Variants in SLC25A48 observed in about 807,000 individuals in gnomAD.
SLC25A48 encodes solute carrier family 25 member 48.
Under a neutral mutation model 32.2 loss-of-function variants are expected in SLC25A48, and 29 were observed. The observed-to-expected ratio is 0.90, with a 90% CI of 0.67 to 1.23. The LOEUF (loss-of-function observed/expected upper bound fraction) is 1.23. SLC25A48 is among the 50% of genes most tolerant of loss of function. The pLI is 0.00. For synonymous variants in SLC25A48, 164 were observed against 172.3 expected, an observed-to-expected ratio of 0.95 and a Z score of 0.38; for missense variants, 399 against 422.7, an observed-to-expected ratio of 0.94 and a Z score of 0.49.
intron 1 of SLC25A48, among the ~76,000 whole-genome samples, chr5:135,597,643 A>G (rs1247420756): frequency 6.6e-6 from 1 of 152,250 alleles, no homozygotes; most frequent in Non-Finnish European, 1.5e-5. Context: ...TTGGTGGCAC[A>G]TAGTTCACAT....
chr5:135,805,855 G>A (rs1757452429), intron 3 of SLC25A48, among the ~76,000 whole-genome samples: 1 of 150,406 alleles, frequency 6.6e-6, no homozygotes, highest in Non-Finnish European at 1.5e-5. Flanking sequence ...TATCCCTGTG[G>A]GTGTATACCC....
chr5:135,833,992 C>T (rs1758310480), upstream of SLC25A48, among the ~76,000 whole-genome samples: 1 of 152,206 alleles, frequency 6.6e-6, no homozygotes, highest in African/African-American at 2.4e-5. Flanking sequence ...ACAGCTGAGT[C>T]CCTGCTGGAA....
intron 3 of SLC25A48, among the ~76,000 whole-genome samples, chr5:135,772,488 A>G (rs1275939832): frequency 6.6e-6 from 1 of 151,670 alleles, no homozygotes; most frequent in Non-Finnish European, 1.5e-5. Flanking sequence ...TCACGAAGAA[A>G]GAGAATAATA....
chr5:135,688,426 T>A (rs1474712292), intron 3 of SLC25A48, among the ~76,000 whole-genome samples: 1 of 152,178 alleles, frequency 6.6e-6, no homozygotes, highest in Non-Finnish European at 1.5e-5. Flanking sequence ...GGATCCAAAG[T>A]GCTCCTTGTG....
intron 2 of SLC25A48, among the ~76,000 whole-genome samples, chr5:135,848,438 G>A (rs1443807523): frequency 1.3e-5 from 2 of 152,218 alleles, no homozygotes; most frequent in African/African-American, 2.4e-5. Flanking sequence ...GTAGGCCTCT[G>A]TGGTTCTGCT....
chr5:135,700,803 G>T (rs1272321889), intron 3 of SLC25A48, among the ~76,000 whole-genome samples: 1 of 152,214 alleles, frequency 6.6e-6, no homozygotes, highest in Non-Finnish European at 1.5e-5. Context: ...TCTAGCAGGG[G>T]TGCACCTACC....
chr5:135,776,315 G>T (rs1181796198), intron 3 of SLC25A48, among the ~76,000 whole-genome samples: 1 of 150,752 alleles, frequency 6.6e-6, no homozygotes, highest in Admixed American at 6.6e-5. Flanking sequence ...ATCACACGGG[G>T]TATACACCTC....
intron 3 of SLC25A48, among the ~76,000 whole-genome samples, chr5:135,656,946 G>A (rs1274396689): frequency 6.6e-6 from 1 of 152,156 alleles, no homozygotes; most frequent in Non-Finnish European, 1.5e-5. Context: ...GCTGTCTGAA[G>A]CCACCCAGTT....
At chr5:135,695,907 C>G (rs944487300) in intron 3 of SLC25A48, among the ~76,000 whole-genome samples, 1 of 152,170 alleles carries the variant, frequency 6.6e-6, no homozygotes, top group South Asian at 2.1e-4. Flanking sequence ...AAAAGTCTCT[C>G]CAAAAGCAGG....
rs548758537 is a variant in SLC25A48 at position 135,614,445 on chromosome 5, T to C, written c.-848-14792T>C. Among the ~76,000 whole-genome samples, 4 of 152,336 alleles carry C rather than the reference T, an allele frequency of 2.6e-5. No individual in the cohort carries two copies. In the South Asian group the frequency reaches 8.3e-4, roughly 32 times the overall value. Reference sequence around the variant, plus strand: ...TGGTTGCTCTAGCTAGGACTACCAGTACTGTGTTGAATACGAGTGGCAAAA... The same window carrying C: ...TGGTTGCTCTAGCTAGGACTACCAGCACTGTGTTGAATACGAGTGGCAAAA... On this transcript the variant is annotated intron_variant, in intron 1 of 10. Transcript: ENST00000646290.
In SLC25A48 at chr5:135,681,136, C is replaced by T. The variant is rs530890154; in HGVS notation, c.-521+46180C>T. 3.1e-4 allele frequency among the ~76,000 whole-genome samples: 47 copies of T among 152,234 alleles called. 2 individuals are homozygous for T. In the East Asian group the frequency reaches 7.0e-3, roughly 23 times the overall value. ...GAGTGGCCGGGATTACAGGCATGCC[C>T]GGCTAATTTTGTATCTTTAGTAGAG... is the stretch of plus-strand genomic sequence containing the variant. On this transcript the variant is annotated intron_variant, in intron 3 of 10. Coordinates refer to the SLC25A48 transcript ENST00000646290.
At chr5:135,678,168 C>T (rs560599927) in intron 3 of SLC25A48, among the ~76,000 whole-genome samples, 10 of 152,214 alleles carry the variant, frequency 6.6e-5, no homozygotes, top group East Asian at 5.8e-4. Flanking sequence ...TATTTTTTCA[C>T]GTTATGGTGT....
chr5:135,810,893 G>C (rs1027143913), intron 3 of SLC25A48, among the ~76,000 whole-genome samples: 2 of 152,196 alleles, frequency 1.3e-5, no homozygotes, highest in Admixed American at 1.3e-4. Flanking sequence ...CTGGATAAGC[G>C]AATGTTTCTC....
At chr5:135,852,490 AC>A in intron 3 of SLC25A48, 72 bp from the exon 4 acceptor site, 1 of 1,522,648 alleles carries the variant, frequency 6.6e-7, no homozygotes, top group Admixed American at 1.9e-5. Flanking sequence ...CCGGTGGTGT[AC>A]CCCGTCAGCC....
intron 3 of SLC25A48, among the ~76,000 whole-genome samples, chr5:135,702,745 G>C (rs1437272655): frequency 2.0e-5 from 3 of 152,222 alleles, no homozygotes; most frequent in African/African-American, 7.2e-5. Context: ...CAGGAAGCCT[G>C]TACAATATTG....
intron 3 of SLC25A48, among the ~76,000 whole-genome samples, chr5:135,800,690 C>G (rs984053778): frequency 2.7e-4 from 41 of 151,918 alleles, no homozygotes; most frequent in African/African-American, 9.2e-4. Flanking sequence ...TGTACACCCC[C>G]CTGGGATAGG....
chr5:135,700,088 G>A (rs979915211), intron 3 of SLC25A48, among the ~76,000 whole-genome samples: 1 of 152,030 alleles, frequency 6.6e-6, no homozygotes, highest in Non-Finnish European at 1.5e-5. Context: ...CCTGCACTTA[G>A]AAAATGGTAT....
In SLC25A48 at chr5:135,603,688, G is replaced by T. The variant is rs142122086; in HGVS notation, c.-849+24091G>T. On this transcript the variant is annotated intron_variant, in intron 1 of 10. Coordinates refer to the SLC25A48 transcript ENST00000646290. ...CCAAGGAAGGGGGTTCAGAAACAGG[G>T]TGTTTCAGCCTTGGGGGAAGGACAC... Among the ~76,000 whole-genome samples the T allele has an allele frequency of 6.6e-3, 1,003 of 152,338 alleles. 16 individuals carry two copies. Among genetic ancestry groups the T allele is most frequent in the African/African-American group, 0.023 (964 of 41,570 alleles).
At chr5:135,820,405 G>C (rs1353975270) in intron 4 of SLC25A48, among the ~76,000 whole-genome samples, 2 of 152,190 alleles carry the variant, frequency 1.3e-5, no homozygotes, top group Non-Finnish European at 2.9e-5. Context: ...TGGGAAGCAA[G>C]AGAGCAGATT....
Sources: gnomAD v4.1 joint callset for allele counts (sites outside exome capture counted in the v4.1 genomes callset) on GRCh38, gnomAD v4.1.1 for gene constraint, MANE v1.5 for transcripts, NCBI Gene and HGNC (gene_info 2026-07-23, HGNC 2026-07-21) for gene names.